Variants in SYN3 observed in about 807,000 individuals in gnomAD.
SYN3 encodes synapsin III.
SYN3 carries 35 observed loss-of-function variants against 65.8 expected under a neutral mutation model. The observed-to-expected ratio is 0.53, with a 90% CI of 0.41 to 0.70. The LOEUF (loss-of-function observed/expected upper bound fraction) is 0.70, where lower values mean the gene tolerates loss of function less well. SYN3 is among the 30% of genes least tolerant of loss of function. SYN3 has a pLI of 0.00. For synonymous variants in SYN3, 270 were observed against 292.9 expected, an observed-to-expected ratio of 0.92 and a Z score of 0.80; for missense variants, 680 against 749.0, an observed-to-expected ratio of 0.91 and a Z score of 1.08.
intron 4 of SYN3, among the ~76,000 whole-genome samples, chr22:32,913,302 G>A (rs1427312914): frequency 6.6e-6 from 1 of 151,880 alleles, no homozygotes; most frequent in Middle Eastern, 3.2e-3. Context: ...GGGACTACAG[G>A]CACCCACCAC....
At chr22:32,836,397 A>G (rs2047730562) in intron 6 of SYN3, among the ~76,000 whole-genome samples, 1 of 152,248 alleles carries the variant, frequency 6.6e-6, no homozygotes, top group African/African-American at 2.4e-5. Flanking sequence ...CTTCAAGGCC[A>G]GGGCAGGTGG....
At chr22:33,028,781 C>T (rs550668697) in intron 1 of SYN3, among the ~76,000 whole-genome samples, 14 of 152,128 alleles carry the variant, frequency 9.2e-5, no homozygotes, top group African/African-American at 3.4e-4. Flanking sequence ...TGGCTCACGC[C>T]TGTAATCCCA....
intron 6 of SYN3, among the ~76,000 whole-genome samples, chr22:32,808,047 T>C (rs1239730704): frequency 6.6e-6 from 1 of 152,134 alleles, no homozygotes; most frequent in Non-Finnish European, 1.5e-5. Context: ...ATGGGAGTAT[T>C]TTCATAGGGA....
intron 1 of SYN3, among the ~76,000 whole-genome samples, chr22:33,013,894 A>G (rs983833417): frequency 2.0e-5 from 3 of 151,976 alleles, no homozygotes; most frequent in Non-Finnish European, 4.4e-5. Flanking sequence ...AGCAAATAGC[A>G]GAATTTTCCC....
At chr22:32,659,862 C>T (rs2060193048) in intron 6 of SYN3, among the ~76,000 whole-genome samples, 1 of 152,274 alleles carries the variant, frequency 6.6e-6, no homozygotes, top group Admixed American at 6.5e-5. Context: ...CACTGTGTCT[C>T]CCTGGGATGC....
At chr22:32,565,618 G>A (rs2058662019) in intron 7 of SYN3, among the ~76,000 whole-genome samples, 1 of 150,870 alleles carries the variant, frequency 6.6e-6, no homozygotes, top group African/African-American at 2.4e-5. Context: ...CTGGGCTCAA[G>A]CAATCCTCCT....
intron 2 of SYN3, among the ~76,000 whole-genome samples, chr22:32,990,407 G>GCCATCCATCCAT (rs133923): frequency 3.4e-4 from 49 of 144,620 alleles, no homozygotes; most frequent in Non-Finnish European, 4.2e-4. Context: ...CATCCATCCA[G>GCCATCCATCCAT]CCATCCATCC....
At chr22:32,520,100 T>C (rs1424330253) in intron 12 of SYN3, among the ~76,000 whole-genome samples, 1 of 152,162 alleles carries the variant, frequency 6.6e-6, no homozygotes, top group Non-Finnish European at 1.5e-5. Context: ...TAGGTGAACA[T>C]AATTTTAATA....
chr22:32,579,194 A>G (rs1282563962), intron 7 of SYN3, among the ~76,000 whole-genome samples: 1 of 152,236 alleles, frequency 6.6e-6, no homozygotes, highest in Non-Finnish European at 1.5e-5. Flanking sequence ...ATGAACATTT[A>G]TTGACTCCTT....
At chr22:32,966,888 C>T (rs1194765829) in intron 3 of SYN3, among the ~76,000 whole-genome samples, 1 of 152,188 alleles carries the variant, frequency 6.6e-6, no homozygotes, top group East Asian at 1.9e-4. Context: ...TGCACTCCAG[C>T]CTGTGTGACA....
intron 6 of SYN3, among the ~76,000 whole-genome samples, chr22:32,774,037 G>A (rs1179041441): frequency 6.6e-6 from 1 of 152,110 alleles, no homozygotes; most frequent in African/African-American, 2.4e-5. Flanking sequence ...GTGTGTGCTG[G>A]TCCCAAGGAC....
At chr22:33,013,644 A>C (rs1489983408) in intron 1 of SYN3, among the ~76,000 whole-genome samples, 4 of 152,188 alleles carry the variant, frequency 2.6e-5, no homozygotes, top group Non-Finnish European at 5.9e-5. Flanking sequence ...TAAAGTCACT[A>C]TTCTGTGCAA....
chr22:32,549,862 C>T (rs1404119128), intron 7 of SYN3, among the ~76,000 whole-genome samples: 2 of 147,540 alleles, frequency 1.4e-5, no homozygotes, highest in Non-Finnish European at 3.0e-5. Flanking sequence ...GTACTCCAGC[C>T]TGGGCAGCAC....
chr22:32,683,592 C>T (rs954343603), intron 6 of SYN3, among the ~76,000 whole-genome samples: 1 of 152,156 alleles, frequency 6.6e-6, no homozygotes, highest in African/African-American at 2.4e-5. Context: ...CCTTGGCTTA[C>T]AGCTGTGTCA....
intron 6 of SYN3, among the ~76,000 whole-genome samples, chr22:32,754,278 A>T (rs1422097562): frequency 1.3e-5 from 2 of 152,018 alleles, no homozygotes; most frequent in African/African-American, 4.8e-5. Context: ...CAGCCTCTCA[A>T]GTAGCTGGGA....
intron 3 of SYN3, among the ~76,000 whole-genome samples, chr22:32,943,564 A>T (rs1032923052): frequency 4.6e-5 from 7 of 152,192 alleles, no homozygotes; most frequent in Non-Finnish European, 8.8e-5. Context: ...ACCAGCTAAC[A>T]TCATAATGAC....
chr22:32,658,231 G>A (rs1327605852), intron 6 of SYN3, among the ~76,000 whole-genome samples: 3 of 152,260 alleles, frequency 2.0e-5, no homozygotes, highest in East Asian at 3.9e-4. Context: ...TAGAGCCCAG[G>A]AGAAACCAAA....
rs1475357870 is a variant in SYN3, at chr22:32,509,488, G to T, written c.*4204C>A. Among the ~76,000 whole-genome samples, 1 of 152,124 alleles carries T rather than the reference G, an allele frequency of 6.6e-6. No homozygotes were observed. Among genetic ancestry groups the T allele is most frequent in the African/African-American group, 2.4e-5 (1 of 41,426 alleles). Reference sequence around the variant, plus strand: ...AGGTACTAGTCTATGTGACAGAACAGACTATTTTAGGGTCGCCATGAGACC... The same window carrying T: ...AGGTACTAGTCTATGTGACAGAACATACTATTTTAGGGTCGCCATGAGACC... On this transcript the variant is annotated 3_prime_UTR_variant, in exon 14 of 14. Transcript: ENST00000358763.
chr22:32,752,791 G>C (rs1444877046), intron 6 of SYN3, among the ~76,000 whole-genome samples: 1 of 152,214 alleles, frequency 6.6e-6, no homozygotes, highest in Non-Finnish European at 1.5e-5. Flanking sequence ...AAGCAGAGAT[G>C]GTGGGGCAAG....
Sources: gnomAD v4.1 joint callset for allele counts (sites outside exome capture counted in the v4.1 genomes callset) on GRCh38, gnomAD v4.1.1 for gene constraint, MANE v1.5 for transcripts, NCBI Gene and HGNC (gene_info 2026-07-23, HGNC 2026-07-21) for gene names.